Variants in EXOC6 observed in about 807,000 individuals in gnomAD.
The protein encoded by EXOC6 is SEC15-like 1.
In EXOC6, 60 loss-of-function variants were observed where a neutral mutation model predicts 112.5. The ratio of observed to expected loss-of-function variants is 0.53; its 90% CI spans 0.43 to 0.66. The LOEUF (loss-of-function observed/expected upper bound fraction) is 0.66. Among genes scored for constraint, EXOC6 ranks in the 30% least tolerant of loss-of-function variants. The probability of loss-of-function intolerance (pLI) is 0.00; values close to 1 mark genes in which losing one functional copy is unlikely to be tolerated. For missense variants in EXOC6, 855 were observed against 957.1 expected (o/e 0.89, Z 1.41); for synonymous variants, 295 against 308.0 (o/e 0.96, Z 0.44).
chr10:92,847,694 T>G (rs1589687361), upstream of EXOC6, among the ~76,000 whole-genome samples: 1 of 152,084 alleles, frequency 6.6e-6, no homozygotes, highest in South Asian at 2.1e-4. Flanking sequence ...GATACCTTTG[T>G]CCAAGCCTCC....
chr10:92,908,057 CTTTTTTTT>C (rs10632745), intron 5 of EXOC6, among the ~76,000 whole-genome samples: 1 of 100,706 alleles, frequency 9.9e-6, no homozygotes, highest in Non-Finnish European at 1.8e-5. Context: ...AATATAATGT[CTTTTTTTT>C]TTTTTTTTTT....
chr10:92,953,164 G>A (rs1050020120), intron 15 of EXOC6, among the ~76,000 whole-genome samples: 9 of 151,960 alleles, frequency 5.9e-5, no homozygotes, highest in Admixed American at 6.6e-5. Flanking sequence ...CTGCAGCCTC[G>A]ATCTCCTGGG....
chr10:92,944,267 T>C (rs1220801566), intron 13 of EXOC6, among the ~76,000 whole-genome samples: 8 of 152,084 alleles, frequency 5.3e-5, no homozygotes, highest in Admixed American at 5.2e-4. Context: ...ACAGAGTCTT[T>C]GCTCTATCAC....
intron 18 of EXOC6, among the ~76,000 whole-genome samples, chr10:92,977,836 G>A (rs1263680598): frequency 6.6e-6 from 1 of 152,062 alleles, no homozygotes; most frequent in Non-Finnish European, 1.5e-5. Context: ...ACCTTCCAAG[G>A]TCACCTTCTA....
chr10:92,999,090 G>T (rs1045066363), intron 19 of EXOC6, among the ~76,000 whole-genome samples: 1 of 151,798 alleles, frequency 6.6e-6, no homozygotes, highest in Non-Finnish European at 1.5e-5. Context: ...CAGGCTGGTC[G>T]CAAACTCCTG....
intron 1 of EXOC6, among the ~76,000 whole-genome samples, chr10:92,865,473 G>T (rs1241216517): frequency 1.3e-5 from 2 of 152,054 alleles, no homozygotes; most frequent in Admixed American, 6.5e-5. Flanking sequence ...TGAGGTGGAG[G>T]TTGCAGTGAG....
At chr10:93,000,289 ATCT>A (rs1176228226) in intron 19 of EXOC6, among the ~76,000 whole-genome samples, 1 of 152,166 alleles carries the variant, frequency 6.6e-6, no homozygotes, top group Non-Finnish European at 1.5e-5. Flanking sequence ...AGTTGTCTAA[ATCT>A]TCTCCCTATT....
intron 7 of EXOC6, 37 bp downstream of exon 7, chr10:92,915,950 A>G: frequency 7.0e-7 from 1 of 1,421,664 alleles, no homozygotes; most frequent in Admixed American, 2.8e-5. Flanking sequence ...ATTATTAGAT[A>G]ATTTTTTTTC....
intron 1 of EXOC6, among the ~76,000 whole-genome samples, chr10:92,827,507 T>A (rs1423851026): frequency 0.074 from 2,091 of 28,412 alleles, no homozygotes; most frequent in East Asian, 0.13. Flanking sequence ...AAAAAAAAAA[T>A]CCCCATGTTG....
At chr10:92,892,091 A>G (rs190159483) in intron 1 of EXOC6, among the ~76,000 whole-genome samples, 4 of 152,280 alleles carry the variant, frequency 2.6e-5, no homozygotes, top group Middle Eastern at 3.4e-3. Flanking sequence ...ACAATGGGCA[A>G]CGGATGTGGG....
upstream of EXOC6, chr10:92,848,433 GCCCCGC>G: frequency 7.0e-6 from 6 of 855,726 alleles, no homozygotes; most frequent in Non-Finnish European, 8.5e-6. Flanking sequence ...CGGCCCGAGC[GCCCCGC>G]CCCCGCCCCG....
chr10:92,945,713 A>G (rs1026604855), intron 13 of EXOC6, among the ~76,000 whole-genome samples: 4 of 151,866 alleles, frequency 2.6e-5, no homozygotes, highest in South Asian at 2.1e-4. Flanking sequence ...ACCTTTCATC[A>G]TTTTTATTTT....
Position 92,955,607 on chromosome 10 carries a change from C to T in EXOC6, c.1666C>T (p.His556Tyr). ...ELVQIIINTT[H>Y]LEQACKYLED... ...GGTACAAATCATCATAAACACAACA[C>T]ACCTGGAGCAAGCTTGTAAATATCT... Residue 556 changes from histidine to tyrosine, a missense_variant, in exon 17 of 22, where the codon CAC (histidine) becomes TAC (tyrosine). This residue lies in a region of EXOC6 where 450 missense variants were observed against 563.5 expected (regional missense o/e 0.80). Transcript: ENST00000260762. 5 of 1,611,306 alleles carry T rather than the reference C, an allele frequency of 3.1e-6. No homozygotes were observed. The highest frequency in any genetic ancestry group is 3.4e-6 in the Non-Finnish European group (4 of 1,178,432).
At chr10:92,966,521 AGT>A (rs955780790) in intron 17 of EXOC6, among the ~76,000 whole-genome samples, 5 of 144,148 alleles carry the variant, frequency 3.5e-5, no homozygotes, top group African/African-American at 1.0e-4. Flanking sequence ...CCCATCTATG[AGT>A]GAGAATATGC....
intron 20 of EXOC6, among the ~76,000 whole-genome samples, chr10:93,025,641 G>T (rs777131748): frequency 1.3e-5 from 2 of 152,190 alleles, no homozygotes; most frequent in Non-Finnish European, 2.9e-5. Flanking sequence ...GCAAACTAGA[G>T]AAAAGAGGAG....
At chr10:92,894,542 T>G (rs1849658610) in intron 2 of EXOC6, among the ~76,000 whole-genome samples, 1 of 152,178 alleles carries the variant, frequency 6.6e-6, no homozygotes, top group Non-Finnish European at 1.5e-5. Context: ...GAGAAGCAAG[T>G]AAAGTTCAAA....
chr10:92,985,762 A>C (rs986394869), intron 18 of EXOC6, among the ~76,000 whole-genome samples: 3 of 152,010 alleles, frequency 2.0e-5, no homozygotes, highest in African/African-American at 7.2e-5. Flanking sequence ...ACTTTTTTCT[A>C]AGTATATGGG....
chr10:92,957,855 C>G (rs1008864296), intron 17 of EXOC6, among the ~76,000 whole-genome samples: 22 of 152,174 alleles, frequency 1.4e-4, no homozygotes, highest in Non-Finnish European at 2.4e-4. Context: ...TCTGTTACCT[C>G]TTTCACAAAA....
chr10:92,891,850 T>TA (rs1425814048), intron 1 of EXOC6, among the ~76,000 whole-genome samples: 4 of 152,200 alleles, frequency 2.6e-5, no homozygotes, highest in African/African-American at 9.6e-5. Flanking sequence ...GTGTATTCAT[T>TA]AAAAACCTAA....
Sources: gnomAD v4.1 joint callset for allele counts (sites outside exome capture counted in the v4.1 genomes callset) on GRCh38, gnomAD v4.1.1 for gene constraint, gnomAD v4.1.1 regional missense constraint, MANE v1.5 for transcripts, NCBI Gene and HGNC (gene_info 2026-07-23, HGNC 2026-07-21) for gene names.